HLTF: variants seen among roughly 807,000 people sequenced by gnomAD.
The protein encoded by HLTF is helicase like transcription factor, also known as DNA-dependent ATPase/E3 ubiquitin-protein ligase HLTF.
A neutral mutation model predicts 129.4 loss-of-function variants in HLTF; 127 were observed. The ratio of observed to expected loss-of-function variants is 0.98; its 90% confidence interval spans 0.85 to 1.14. The LOEUF is 1.14. HLTF is among the 50% of genes most tolerant of loss of function. The pLI, the probability that HLTF is intolerant of heterozygous loss-of-function variation, is 0.00. For missense variants in HLTF, 1,139 were observed against 1,187.1 expected (o/e 0.96, Z 0.60); for synonymous variants, 332 against 388.8 (o/e 0.85, Z 1.72).
intron 2 of HLTF, among the ~76,000 whole-genome samples, chr3:149,082,032 T>C (rs567306070): frequency 2.6e-5 from 4 of 152,296 alleles, no homozygotes; most frequent in African/African-American, 7.2e-5. Context: ...TCTTCAAAAA[T>C]GTAACTAACC....
At chr3:149,048,341 C>T (rs773723726) in intron 16 of HLTF, among the ~76,000 whole-genome samples, 178 bp from the exon 17 acceptor site, 32 of 152,158 alleles carry the variant, frequency 2.1e-4, no homozygotes, top group Non-Finnish European at 4.4e-4. Context: ...ATATACACAT[C>T]TCAAGATACA....
At chr3:149,071,140 C>T (rs1718819915) in intron 7 of HLTF, 112 bp downstream of exon 7, 1 of 612,824 alleles carries the variant, frequency 1.6e-6, no homozygotes. Context: ...ATAGTAAGAT[C>T]TAGTCCCAAA....
At chr3:149,076,889 T>C (rs1251229753) in intron 2 of HLTF, among the ~76,000 whole-genome samples, 2 of 152,158 alleles carry the variant, frequency 1.3e-5, no homozygotes, top group Non-Finnish European at 2.9e-5. Flanking sequence ...GTAACATTTA[T>C]TCAAGAATAA....
At position 149,074,455 on chromosome 3, in the gene HLTF, G is replaced by A; in HGVS notation, c.396-107C>T. 3.7e-6 allele frequency: 4 copies of A among 1,068,812 alleles called. No individual in the cohort carries two copies. The South Asian group carries it at 9.2e-5, about 25-fold the overall frequency. The allele number at this position is 1,068,812 out of a possible 1,614,324, so 66.2% of individuals were successfully genotyped here. On this transcript the variant is annotated intron_variant, in intron 3 of 24. Transcript: ENST00000310053. ...TGTATCATTTACATTTTACATTGAA[G>A]TAAAGTAATAAGGAACTAGTTGGGC...
At chr3:149,081,599 G>A (rs888276445) in intron 2 of HLTF, among the ~76,000 whole-genome samples, 6 of 151,900 alleles carry the variant, frequency 3.9e-5, no homozygotes, top group Middle Eastern at 3.4e-3. Context: ...GTAACACAAA[G>A]AATAAAAACA....
Position 149,041,644 on chromosome 3 carries a change from C to T in HLTF, c.2222G>A (p.Arg741Lys). The change falls in exon 20 of 25, where the codon AGA becomes AAA. Residue 741 changes from arginine (R) to lysine (K), a missense_variant. Coordinates refer to ENST00000310053, the MANE Select transcript of HLTF (RefSeq NM_003071.4). ...PSGNDTPEELRKKLIRKMKLI... is the reference protein window; with the variant it reads ...PSGNDTPEELKKKLIRKMKLI... The stretch of plus-strand genomic sequence containing the variant: ...CTTCATCTTCCTTATTAACTTCTTT[C>T]TCAGTTCTTCAGGTGTATCATTTCC... 1 of 1,611,602 alleles carries T rather than the reference C, an allele frequency of 6.2e-7. No individual in the cohort carries two copies. The highest frequency in any genetic ancestry group is 8.5e-7 in the Non-Finnish European group (1 of 1,178,270).
intron 10 of HLTF, among the ~76,000 whole-genome samples, chr3:149,061,175 T>C (rs1717910500): frequency 6.6e-6 from 1 of 152,078 alleles, no homozygotes; most frequent in African/African-American, 2.4e-5. Flanking sequence ...GCTCAAGTGA[T>C]CATCCCGCCT....
chr3:149,045,563 ACTCT>A (rs1323621898), intron 18 of HLTF, among the ~76,000 whole-genome samples: 1 of 152,028 alleles, frequency 6.6e-6, no homozygotes, highest in African/African-American at 2.4e-5. Flanking sequence ...AATCTTTCCC[ACTCT>A]CTCTAATTCC....
chr3:149,050,518 C>T, intron 14 of HLTF, 143 bp from the exon 15 acceptor site: 1 of 471,782 alleles, frequency 2.1e-6, no homozygotes, highest in Non-Finnish European at 3.8e-6. Flanking sequence ...TCAGTCTAGA[C>T]CAAAATAATA....
intron 2 of HLTF, among the ~76,000 whole-genome samples, chr3:149,078,864 A>C (rs1377378483): frequency 6.6e-6 from 1 of 152,092 alleles, no homozygotes; most frequent in Non-Finnish European, 1.5e-5. Flanking sequence ...CTCAAAAAAA[A>C]AAAAAAATAA....
At chr3:149,058,923 T>C (rs1717694486) in intron 13 of HLTF, among the ~76,000 whole-genome samples, 2 of 152,226 alleles carry the variant, frequency 1.3e-5, no homozygotes, top group African/African-American at 4.8e-5. Context: ...TCTTTAAATT[T>C]CTAAAATTAG....
intron 20 of HLTF, 42 bp from the exon 21 acceptor site, chr3:149,040,198 G>A (rs758543037): frequency 1.9e-6 from 3 of 1,560,096 alleles, no homozygotes; most frequent in Non-Finnish European, 2.6e-6. Flanking sequence ...CTTAACAGAA[G>A]AACAAATATA....
chr3:149,079,696 G>A (rs930313027), intron 2 of HLTF, among the ~76,000 whole-genome samples: 4 of 152,034 alleles, frequency 2.6e-5, no homozygotes, highest in African/African-American at 7.2e-5. Context: ...TAGTTCATGC[G>A]ATTCTCCTGC....
Position 149,071,563 on chromosome 3 carries a change from A to T in HLTF, c.702+20T>A, listed in dbSNP as rs377221291. The T allele has an allele frequency of 5.8e-6, 9 of 1,546,536 alleles. No homozygotes were observed. The highest frequency in any genetic ancestry group is 8.0e-6 in the Non-Finnish European group (9 of 1,124,596). On this transcript the variant is annotated intron_variant, in intron 6 of 24. Coordinates refer to ENST00000310053, the MANE Select transcript of HLTF (RefSeq NM_003071.4). ...TTAAACATTCTGAGTAGTCTTAAAT[A>T]AAAAATATTGGTTCAATACCTCAGC...
chr3:149,076,155 T>G (rs1719337504), intron 2 of HLTF, 108 bp from the exon 3 acceptor site: 2 of 442,754 alleles, frequency 4.5e-6, no homozygotes, highest in East Asian at 6.8e-5. Context: ...TGCTAAACAC[T>G]GCACATAAGA....
At chr3:149,059,636 G>GT in intron 13 of HLTF, 82 bp downstream of exon 13, 1 of 795,940 alleles carries the variant, frequency 1.3e-6, no homozygotes, top group Non-Finnish European at 2.1e-6. Flanking sequence ...TTGTAATATG[G>GT]TTTTATAACT....
In HLTF at chr3:149,086,524, G is replaced by A. The variant is rs1230685703; in HGVS notation, c.-188C>T. On this transcript the variant is annotated 5_prime_UTR_variant, in exon 1 of 25. Transcript: ENST00000310053. ...TCAGACGTCGACGCCGTCTCCTTCT[G>A]CAACAATCTGGGAGACCAGCGTCGC... 2 of 634,370 alleles carry A rather than the reference G, an allele frequency of 3.2e-6. No individual in the cohort carries two copies. Among genetic ancestry groups the A allele is most frequent in the Non-Finnish European group, 5.5e-6 (2 of 361,918 alleles). The allele number at this position is 634,370 out of a possible 1,614,324, so 39.3% of individuals were successfully genotyped here.
rs773014724 is a variant in HLTF at position 149,041,664 on chromosome 3, A to T, written c.2202T>A (p.Asn734Lys). 62 of 1,605,246 alleles carry T rather than the reference A, an allele frequency of 3.9e-5. No individual in the cohort carries two copies. Among genetic ancestry groups the T allele is most frequent in the Non-Finnish European group, 5.3e-5 (62 of 1,173,516 alleles). ...NAVSSNGPSG[N>K]DTPEELRKKL... ...TCTTTCTCAGTTCTTCAGGTGTATC[A>T]TTTCCTAGAGAAAAGGCTGAAAAAT... Residue 734 changes from asparagine (N) to lysine (K), a missense_variant, in exon 20 of 25, where the codon AAT becomes AAA. Coordinates refer to ENST00000310053, the MANE Select transcript of HLTF (RefSeq NM_003071.4).
chr3:149,032,124 G>A lies in HLTF; in HGVS notation c.*96C>T. 1.1e-6 allele frequency: 1 copy of A among 886,688 alleles called. No individual in the cohort carries two copies. Among genetic ancestry groups the A allele is most frequent in the South Asian group, 2.3e-5 (1 of 44,246 alleles). 54.9% of individuals were successfully genotyped at this position (886,688 alleles called of 1,614,324 possible). ...AATATAAAATATGCCCCTTTTAGAAGACGTGTTCTCTAGATCTCATTTCTA... is the reference window on the plus strand; with the variant it reads ...AATATAAAATATGCCCCTTTTAGAAAACGTGTTCTCTAGATCTCATTTCTA... On this transcript the variant is annotated 3_prime_UTR_variant, in exon 25 of 25. Transcript: ENST00000310053.
Sources: gnomAD v4.1 joint callset for allele counts (sites outside exome capture counted in the v4.1 genomes callset) on GRCh38, gnomAD v4.1.1 for gene constraint, MANE v1.5 for transcripts, NCBI Gene and HGNC (gene_info 2026-07-23, HGNC 2026-07-21) for gene names.